Variants in CADPS observed in about 807,000 individuals in gnomAD.
CADPS encodes the protein calcium-dependent secretion activator 1.
Under a neutral mutation model 167.3 loss-of-function variants are expected in CADPS, and 57 were observed. That is an observed-to-expected ratio of 0.34 (90% CI 0.28 to 0.42). The LOEUF is 0.42. CADPS is among the 20% of genes least tolerant of loss of function. The pLI is 1.00. For missense variants in CADPS, 1,414 were observed against 1,738.1 expected (o/e 0.81, Z 3.32); for synonymous variants, 676 against 635.3 (o/e 1.06, Z -0.96).
At chr3:62,807,016 T>C (rs1287449069) in intron 1 of CADPS, among the ~76,000 whole-genome samples, 1 of 152,232 alleles carries the variant, frequency 6.6e-6, no homozygotes, top group Non-Finnish European at 1.5e-5. Context: ...ATGACTTCAA[T>C]GAGTCTTTAA....
At chr3:62,443,694 G>C (rs1183971293) in intron 27 of CADPS, among the ~76,000 whole-genome samples, 2 of 152,096 alleles carry the variant, frequency 1.3e-5, no homozygotes, top group African/African-American at 4.8e-5. Flanking sequence ...GGACGTGTTT[G>C]CTTCCCCTTC....
Position 62,399,337 on chromosome 3 carries a change from TTAAC to T in CADPS, c.*65_*68del. 6.8e-7 allele frequency: 1 copy of T among 1,468,506 alleles called. No individual in the cohort carries two copies. The highest frequency in any genetic ancestry group is 1.2e-5 in the South Asian group (1 of 80,766). 91.0% of individuals were successfully genotyped at this position (1,468,506 alleles called of 1,614,324 possible). A position where few individuals can be genotyped will look rare whatever the true frequency, so the allele number is the denominator to read the frequency against. ...AGTTGACAGAAAATTCCTAATGGGT[TTAAC>T]TAACAGACTAAGGACATGCACTGAT... On this transcript the variant is annotated 3_prime_UTR_variant, in exon 30 of 30. Coordinates refer to ENST00000383710, the MANE Select transcript of CADPS (RefSeq NM_003716.4). The surrounding 1 kb of genome is among the most constrained non-coding windows in gnomAD (Gnocchi z 5.6).
At chr3:62,554,900 G>A (rs1026325517) in intron 10 of CADPS, among the ~76,000 whole-genome samples, 7 of 151,988 alleles carry the variant, frequency 4.6e-5, no homozygotes, top group East Asian at 3.9e-4. Flanking sequence ...TTACAGGTGC[G>A]TGCCACCACG....
chr3:62,442,337 T>C (rs193244931), intron 27 of CADPS, among the ~76,000 whole-genome samples: 15 of 151,948 alleles, frequency 9.9e-5, no homozygotes, highest in Non-Finnish European at 1.9e-4. Context: ...TCAGCCTCTC[T>C]GGAGGAGGTA....
intron 1 of CADPS, among the ~76,000 whole-genome samples, chr3:62,766,459 A>G (rs1316577125): frequency 6.6e-6 from 1 of 152,082 alleles, no homozygotes; most frequent in Admixed American, 6.6e-5. Context: ...TCCCCTCCTG[A>G]GAAATGGTTG....
intron 17 of CADPS, among the ~76,000 whole-genome samples, chr3:62,509,308 G>A (rs3074260): frequency 0.12 from 15,894 of 133,320 alleles, 1,000 homozygotes; most frequent in East Asian, 0.21. Context: ...AAAAAAAAAA[G>A]AAAGAAAGAA....
intron 13 of CADPS, among the ~76,000 whole-genome samples, chr3:62,523,900 G>A (rs767212839): frequency 1.1e-4 from 17 of 152,178 alleles, no homozygotes; most frequent in Non-Finnish European, 2.2e-4. Flanking sequence ...CCGCATGATG[G>A]ATCCATGAAA....
At chr3:62,492,501 G>A (rs769628698) in intron 19 of CADPS, 55 bp from the exon 20 acceptor site, 5 of 1,536,756 alleles carry the variant, frequency 3.3e-6, no homozygotes, top group Non-Finnish European at 4.5e-6. Flanking sequence ...TTCTTTCTCG[G>A]ACATAAGACG....
chr3:62,667,992 C>T (rs2074792333), intron 3 of CADPS, among the ~76,000 whole-genome samples: 1 of 152,100 alleles, frequency 6.6e-6, no homozygotes, highest in Admixed American at 6.5e-5. Flanking sequence ...GGGAGACACC[C>T]TTGGGTACCA....
At chr3:62,583,979 A>G (rs529173457) in intron 8 of CADPS, among the ~76,000 whole-genome samples, 52 of 150,110 alleles carry the variant, frequency 3.5e-4, no homozygotes, top group East Asian at 2.0e-4. Flanking sequence ...GAATTCCCCA[A>G]ACCTCTAGTA....
Position 62,874,748 on chromosome 3 carries a change from CGGGCTG to C in CADPS, c.276_281del (p.Pro94_Ser95del). 6.7e-7 allele frequency: 1 copy of C among 1,503,668 alleles called. No individual in the cohort carries two copies. The highest frequency in any genetic ancestry group is 1.4e-5 in the African/African-American group (1 of 71,632). 93.1% of individuals were successfully genotyped at this position (1,503,668 alleles called of 1,614,324 possible). Reference sequence around the variant, plus strand: ...CCTTCTCCTTCTCGCTCACCACCGACGGGCTGGGGCTGGAGGGCCGGCCGCCGCCAG... The same window carrying C: ...CCTTCTCCTTCTCGCTCACCACCGACGGGCTGGAGGGCCGGCCGCCGCCAG... On this transcript the variant is annotated inframe_deletion, in exon 1 of 30. Transcript: ENST00000383710. The surrounding 1 kb of genome is among the most constrained non-coding windows in gnomAD (Gnocchi z 7.1).
chr3:62,657,103 G>T (rs1321318237), intron 4 of CADPS, among the ~76,000 whole-genome samples: 2 of 152,148 alleles, frequency 1.3e-5, no homozygotes, highest in Admixed American at 6.6e-5. Context: ...GAAAGTTGGG[G>T]GTTAGTATCT....
At chr3:62,464,167 A>G (rs929496540) in intron 26 of CADPS, among the ~76,000 whole-genome samples, 3 of 152,208 alleles carry the variant, frequency 2.0e-5, no homozygotes, top group Non-Finnish European at 2.9e-5. Flanking sequence ...GGAACATATT[A>G]TCTGCCCTGC....
chr3:62,455,902 C>T lies in CADPS; in HGVS notation c.3636+9465G>A, dbSNP rs562214880. 6.6e-6 allele frequency among the ~76,000 whole-genome samples: 1 copy of T among 152,288 alleles called. No individual in the cohort carries two copies. Among genetic ancestry groups the T allele is most frequent in the South Asian group, 2.1e-4 (1 of 4,828 alleles). ...TGTCCTTGACTTTTCCTGCAGGCTG[C>T]TTTAGCCTGAATTTGAAGGTATAAT... On this transcript the variant is annotated intron_variant, in intron 26 of 29. Transcript: ENST00000383710. This position sits in a 1 kb window ranked among gnomAD's most constrained non-coding sequence, Gnocchi z 4.4.
At chr3:62,731,531 A>G (rs2077794448) in intron 3 of CADPS, among the ~76,000 whole-genome samples, 1 of 152,094 alleles carries the variant, frequency 6.6e-6, no homozygotes, top group African/African-American at 2.4e-5. Flanking sequence ...CTTTGTTGGC[A>G]TGTATACTCT....
At chr3:62,664,335 G>A (rs940366050) in intron 3 of CADPS, among the ~76,000 whole-genome samples, 2 of 152,170 alleles carry the variant, frequency 1.3e-5, no homozygotes, top group Admixed American at 1.3e-4. Context: ...ACTGAAGCTA[G>A]AATTTTTATT....
chr3:62,821,456 A>G (rs1256783969), intron 1 of CADPS, among the ~76,000 whole-genome samples: 1 of 152,142 alleles, frequency 6.6e-6, no homozygotes, highest in Non-Finnish European at 1.5e-5. Flanking sequence ...CTAGGGAAGA[A>G]TGTTCTTTGC....
chr3:62,822,006 T>C (rs967792315), intron 1 of CADPS, among the ~76,000 whole-genome samples: 1 of 152,172 alleles, frequency 6.6e-6, no homozygotes, highest in African/African-American at 2.4e-5. Context: ...ACATGCTTCA[T>C]CTCATGACCA....
At chr3:62,709,247 T>C (rs765829328) in intron 3 of CADPS, among the ~76,000 whole-genome samples, 8 of 152,128 alleles carry the variant, frequency 5.3e-5, no homozygotes, top group South Asian at 2.1e-4. Context: ...CGTTTCTTCA[T>C]GCGTGATCAG....
Sources: gnomAD v4.1 joint callset for allele counts (sites outside exome capture counted in the v4.1 genomes callset) on GRCh38, gnomAD v4.1.1 for gene constraint, Gnocchi (gnomAD v3.1) non-coding constraint, MANE v1.5 for transcripts, NCBI Gene and HGNC (gene_info 2026-07-23, HGNC 2026-07-21) for gene names.